The following TTN variants were observed in gnomAD, a reference collection of about 807,000 sequenced individuals.
TTN encodes titin.
TTN carries 1,525 observed loss-of-function variants against 3,223.0 expected under a neutral mutation model. The ratio of observed to expected loss-of-function variants is 0.47; its 90% CI spans 0.45 to 0.49. The LOEUF is 0.49. Among genes scored for constraint, TTN ranks in the 20% least tolerant of loss-of-function variants. TTN has a pLI of 0.00. For synonymous variants in TTN, 14,094 were observed against 15,161.0 expected, an observed-to-expected ratio of 0.93 and a Z score of 5.17; for missense variants, 40,786 against 43,424.0, an observed-to-expected ratio of 0.94 and a Z score of 5.40.
rs1553929816 is a variant in TTN, at chr2:178,734,600, G to A, written c.15224C>T (p.Pro5075Leu). 1 of 1,565,888 alleles carries A rather than the reference G, an allele frequency of 6.4e-7. No homozygotes were observed. Among genetic ancestry groups the A allele is most frequent in the Non-Finnish European group, 8.6e-7 (1 of 1,157,010 alleles). ...CSTEIVIKEPPSFIKTLEPAD... is the reference protein window; with the variant it reads ...CSTEIVIKEPLSFIKTLEPAD... ...AGGCTCAAGAGTTTTGATGAAAGAA[G>A]GAGGTTCTACAAAAGCATGAAAGCA... The change falls in exon 52 of 363, where the codon CCT becomes CTT. Residue 5075 changes from proline (P) to leucine (L), a missense_variant. Transcript: ENST00000589042.
chr2:178,613,308 C>T (rs1397449523), intron 263 of TTN, 32 bp from the exon 264 acceptor site: 2 of 1,509,376 alleles, frequency 1.3e-6, no homozygotes, highest in Non-Finnish European at 1.8e-6. Context: ...TGTGTATCAT[C>T]ATGGTAAGAA....
At chr2:178,629,783 C>G (rs1199435054) in intron 239 of TTN, among the ~76,000 whole-genome samples, 2 of 152,082 alleles carry the variant, frequency 1.3e-5, no homozygotes, top group Non-Finnish European at 2.9e-5. Context: ...ACAAGGGGCC[C>G]TCAATCAGAG....
Position 178,739,901 on chromosome 2 carries a change from A to C in TTN, c.13332T>G (p.Leu4444=), listed in dbSNP as rs1281562103. ...CTGTTACAGACTTTGCCGAAGTAACAAGGTACATGCACATGATGTGTCTGG... is the reference window on the plus strand; with the variant it reads ...CTGTTACAGACTTTGCCGAAGTAACCAGGTACATGCACATGATGTGTCTGG... ...QEPRHIMCMY[L]VTSAKSVTEE... is the part of the protein sequence containing the mutation. Residue 4444 remains leucine, a synonymous_variant, in exon 48 of 363, where the codon CTT becomes CTG. Coordinates refer to ENST00000589042, the MANE Select transcript of TTN (RefSeq NM_001267550.2). The C allele has an allele frequency of 6.2e-7, 1 of 1,613,894 alleles. No individual in the cohort carries two copies. Among genetic ancestry groups the C allele is most frequent in the Middle Eastern group, 1.7e-4 (1 of 6,058 alleles).
intron 219 of TTN, among the ~76,000 whole-genome samples, chr2:178,641,933 C>G (rs1207214150): frequency 1.1e-4 from 16 of 151,648 alleles, no homozygotes; most frequent in Non-Finnish European, 4.4e-5. Flanking sequence ...TACTTTACTA[C>G]ATAATTTGGT....
Position 178,542,336 on chromosome 2 carries a change from C to T in TTN, c.97420G>A (p.Val32474Met), listed in dbSNP as rs763649965. The T allele has an allele frequency of 6.2e-7, 1 of 1,613,324 alleles. No homozygotes were observed. The highest frequency in any genetic ancestry group is 8.5e-7 in the Non-Finnish European group (1 of 1,179,596). Reference sequence around the variant, plus strand: ...ATCCCGAAGCGGTTTGTTGCAGCCACACGGAACACATACTCATTTCCTTCG... The same window carrying T: ...ATCCCGAAGCGGTTTGTTGCAGCCATACGGAACACATACTCATTTCCTTCG... ...LTEGNEYVFR[V>M]AATNRFGIGS... The change falls in exon 349 of 363, where the codon GTG (valine) becomes ATG (methionine). Residue 32474 changes from valine to methionine, a missense_variant. By Grantham distance (21) the Val-to-Met change is conservative. Coordinates refer to ENST00000589042, the MANE Select transcript of TTN (RefSeq NM_001267550.2).
chr2:178,797,931 A>G (rs1290304126), intron 6 of TTN, among the ~76,000 whole-genome samples: 1 of 151,974 alleles, frequency 6.6e-6, no homozygotes, highest in Non-Finnish European at 1.5e-5. Flanking sequence ...GTAAATAGTG[A>G]GAGGCAGAGG....
rs781549396 is a variant in TTN, at chr2:178,710,930, T to C, written c.28175-8A>G. On this transcript the variant is annotated splice_region_variant and splice_polypyrimidine_tract_variant and intron_variant, in intron 97 of 362. Transcript: ENST00000589042. ...AGGGTGGGTTCTTCCCCTCTAATAGTAGAGCAGAAAGACAAGGTTTCAGGC... is the reference window on the plus strand; with the variant it reads ...AGGGTGGGTTCTTCCCCTCTAATAGCAGAGCAGAAAGACAAGGTTTCAGGC... 1.9e-6 allele frequency: 3 copies of C among 1,606,438 alleles called. No individual in the cohort carries two copies. The South Asian group carries it at 3.3e-5, about 18-fold the overall frequency.
Position 178,621,548 on chromosome 2 carries a change from A to G in TTN, c.45276T>C (p.Ala15092=). ...GRKRILVIQN[A]HLEDAGNYNC... ...TGTAGTTGCCAGCATCCTCAAGGTG[A>G]GCGTTCTGAATGACCAGGATTCTCT... is the stretch of plus-strand genomic sequence containing the variant. Residue 15092 remains alanine, a synonymous_variant, in exon 245 of 363, where the codon GCT becomes GCC. Coordinates refer to ENST00000589042, the MANE Select transcript of TTN (RefSeq NM_001267550.2). The G allele has an allele frequency of 6.2e-7, 1 of 1,612,478 alleles. No homozygotes were observed. Among genetic ancestry groups the G allele is most frequent in the Non-Finnish European group, 8.5e-7 (1 of 1,179,100 alleles).
chr2:178,593,514 C>A (rs2050691420), intron 298 of TTN, 39 bp from the exon 299 acceptor site: 1 of 1,597,688 alleles, frequency 6.3e-7, no homozygotes, highest in Non-Finnish European at 8.5e-7. Flanking sequence ...AAATTTATTT[C>A]TTTATATTAG....
At chr2:178,708,313 A>G (rs1202578950) in intron 99 of TTN, among the ~76,000 whole-genome samples, 1 of 152,208 alleles carries the variant, frequency 6.6e-6, no homozygotes, top group Non-Finnish European at 1.5e-5. Flanking sequence ...ATCTTTAGCT[A>G]TTAAATGCAG....
Position 178,601,672 on chromosome 2 carries a change from C to G in TTN, c.55418G>C (p.Arg18473Thr), listed in dbSNP as rs2053488389. 6.3e-7 allele frequency: 1 copy of G among 1,599,206 alleles called. No homozygotes were observed. Among genetic ancestry groups the G allele is most frequent in the Non-Finnish European group, 8.5e-7 (1 of 1,175,598 alleles). Reference sequence around the variant, plus strand: ...GTCTTTCTTACCCATGACTTTAACTCTGCAATTTGCAGTCTTTTGTCCTGC... The same window carrying G: ...GTCTTTCTTACCCATGACTTTAACTGTGCAATTTGCAGTCTTTTGTCCTGC... The part of the protein sequence containing the change: ...NKAGQKTANC[R>T]VKVMDVPGPP... Residue 18473 changes from arginine to threonine, a missense_variant, in exon 286 of 363, where the codon AGA becomes ACA. By Grantham distance (71) the Arg-to-Thr change is moderately conservative. Transcript: ENST00000589042.
intron 47 of TTN, chr2:178,751,938 A>G (rs372892201): frequency 8.0e-5 from 127 of 1,588,350 alleles, no homozygotes; most frequent in Non-Finnish European, 1.1e-4. Context: ...CTACTTGCAT[A>G]TCTTTTAGCA....
At chr2:178,803,026 T>G (rs965911607) in intron 2 of TTN, among the ~76,000 whole-genome samples, 4 of 152,234 alleles carry the variant, frequency 2.6e-5, no homozygotes, top group African/African-American at 7.2e-5. Context: ...AAGAACTACA[T>G]GTCCATGGTT....
In TTN at chr2:178,707,949, G is replaced by A. The variant is rs369909373; in HGVS notation, c.28754-136C>T. The A allele has an allele frequency of 2.4e-4, 211 of 867,376 alleles. 1 individual carries two copies. The South Asian group carries it at 4.1e-3, about 17-fold the overall frequency. 53.7% of individuals were successfully genotyped at this position (867,376 alleles called of 1,614,324 possible). A position where few individuals can be genotyped will look rare whatever the true frequency, so the allele number is the denominator to read the frequency against. ...TGTAGTAGGACAGAATTATGTGCCT[G>A]GTTTATTCCTCTCTAAAGACAATAG... On this transcript the variant is annotated intron_variant, in intron 99 of 362. Transcript: ENST00000589042.
At chr2:178,704,480 C>T in intron 105 of TTN, 30 bp downstream of exon 105, 1 of 1,597,778 alleles carries the variant, frequency 6.3e-7, no homozygotes, top group Non-Finnish European at 8.5e-7. Flanking sequence ...TTAAATCTCA[C>T]AAGTATTTCA....
At chr2:178,691,938 T>C (rs1445814341) in intron 121 of TTN, 78 bp downstream of exon 121, 4 of 1,178,486 alleles carry the variant, frequency 3.4e-6, no homozygotes, top group East Asian at 2.4e-5. Context: ...AAAGGCAGCA[T>C]AGTACATATG....
intron 297 of TTN, 29 bp downstream of exon 297, chr2:178,593,932 A>T (rs1361836582): frequency 6.2e-7 from 1 of 1,610,790 alleles, no homozygotes; most frequent in African/African-American, 1.3e-5. Flanking sequence ...AGAACAGAAG[A>T]TCTATTCTTT....
Position 178,613,142 on chromosome 2 carries a change from A to G in TTN, c.49648+19T>C. The G allele has an allele frequency of 6.2e-7, 1 of 1,607,250 alleles. No individual in the cohort carries two copies. The highest frequency in any genetic ancestry group is 1.3e-5 in the African/African-American group (1 of 74,414). The stretch of plus-strand genomic sequence containing the variant: ...TCATATGAACTTCGAAATAACCACA[A>G]AAATTATATAAATAATACCTATGGG... On this transcript the variant is annotated intron_variant, in intron 264 of 362. Coordinates refer to ENST00000589042, the MANE Select transcript of TTN (RefSeq NM_001267550.2).
Position 178,620,403 on chromosome 2 carries a change from A to T in TTN, c.46118T>A (p.Val15373Asp), listed in dbSNP as rs2058089139. The T allele has an allele frequency of 6.2e-7, 1 of 1,612,166 alleles. No individual in the cohort carries two copies. The highest frequency in any genetic ancestry group is 1.7e-5 in the Admixed American group (1 of 59,866). ...AACAGATTTATCTTGTCCAGCAGTG[A>T]CAATGTATTCACCTTCATCTGGGAA... is the stretch of plus-strand genomic sequence containing the variant. Reference protein sequence around the residue: ...CGFPDEGEYIVTAGQDKSVAE... With the variant: ...CGFPDEGEYIDTAGQDKSVAE... Residue 15373 changes from valine to aspartate, a missense_variant, in exon 248 of 363, where the codon GTC (valine) becomes GAC (aspartate). Coordinates refer to ENST00000589042, the MANE Select transcript of TTN (RefSeq NM_001267550.2).
Sources: allele counts gnomAD v4.1 joint callset (sites outside exome capture counted in the v4.1 genomes callset), GRCh38; gene constraint gnomAD v4.1.1; transcripts MANE v1.5; gene names NCBI Gene and HGNC (gene_info 2026-07-23, HGNC 2026-07-21).